The following CIDEA variants were observed in gnomAD, a reference collection of about 807,000 sequenced individuals.
The protein encoded by CIDEA is cell death inducing DFFA like effector a.
In CIDEA, 10 loss-of-function variants were observed where a neutral mutation model predicts 18.2. The ratio of observed to expected loss-of-function variants is 0.55; its 90% CI spans 0.34 to 0.93. The LOEUF (loss-of-function observed/expected upper bound fraction) is 0.93, where lower values mean the gene tolerates loss of function less well. CIDEA is among the 40% of genes least tolerant of loss of function. The pLI, the probability that CIDEA is intolerant of heterozygous loss-of-function variation, is 0.02. For missense variants in CIDEA, 309 were observed against 293.1 expected, an observed-to-expected ratio of 1.05 and a Z score of -0.40; for synonymous variants, 128 against 124.8, an observed-to-expected ratio of 1.03 and a Z score of -0.17.
Position 12,277,305 on chromosome 18 carries a change from C to A in CIDEA, c.*35C>A. ...CTGTCGCCGGCTCTTGAGCCAAACA[C>A]TGTGTTTCGTTTGGCTCAATGACGA... is the stretch of plus-strand genomic sequence containing the variant. On this transcript the variant is annotated 3_prime_UTR_variant, in exon 5 of 5. Coordinates refer to ENST00000320477, the MANE Select transcript of CIDEA (RefSeq NM_001279.4). 6.2e-7 allele frequency: 1 copy of A among 1,611,554 alleles called. No individual in the cohort carries two copies. The highest frequency in any genetic ancestry group is 1.3e-5 in the African/African-American group (1 of 74,996).
Position 12,262,984 on chromosome 18 carries a change from G to A in CIDEA, c.183+15G>A, listed in dbSNP as rs771658514. On this transcript the variant is annotated intron_variant, in intron 2 of 4. Transcript: ENST00000320477. Reference sequence around the variant, plus strand: ...TCATCAGCAAGGTGCCCCACATCCCGCACCTCTCCCCCAGTCCACAGGGGT... The same window carrying A: ...TCATCAGCAAGGTGCCCCACATCCCACACCTCTCCCCCAGTCCACAGGGGT... The A allele has an allele frequency of 5.6e-6, 9 of 1,613,036 alleles. No individual in the cohort carries two copies. The highest frequency in any genetic ancestry group is 4.5e-5 in the East Asian group (2 of 44,854).
chr18:12,272,149 T>TCGGGGGGGGG, intron 3 of CIDEA, among the ~76,000 whole-genome samples: 1 of 7,492 alleles, frequency 1.3e-4, no homozygotes, highest in African/African-American at 4.9e-4. Context: ...AGTGTGTGTG[T>TCGGGGGGGGG]GGGGGGGGGG....
chr18:12,257,616 C>T (rs1193648085), intron 1 of CIDEA, among the ~76,000 whole-genome samples: 8 of 152,170 alleles, frequency 5.3e-5, no homozygotes, highest in African/African-American at 1.9e-4. Flanking sequence ...AGAGACATGC[C>T]GTTTCACAGC....
At chr18:12,263,045 T>C in intron 2 of CIDEA, 76 bp downstream of exon 2, 2 of 1,476,650 alleles carry the variant, frequency 1.4e-6, no homozygotes, top group Non-Finnish European at 1.8e-6. Flanking sequence ...TCTTGGGCTC[T>C]AAGCCAGGGC....
intron 4 of CIDEA, among the ~76,000 whole-genome samples, chr18:12,275,308 A>C (rs1448361247): frequency 6.6e-6 from 1 of 152,168 alleles, no homozygotes; most frequent in African/African-American, 2.4e-5. Flanking sequence ...ACACCACTGC[A>C]CTCCAGACTG....
chr18:12,261,556 T>C (rs1912192598), intron 1 of CIDEA, among the ~76,000 whole-genome samples: 1 of 152,030 alleles, frequency 6.6e-6, no homozygotes, highest in Admixed American at 6.5e-5. Context: ...GCAGTTTCCC[T>C]TTTCTTTTCT....
chr18:12,274,961 T>C (rs1214997796), intron 4 of CIDEA, among the ~76,000 whole-genome samples: 4 of 152,268 alleles, frequency 2.6e-5, no homozygotes, highest in African/African-American at 9.6e-5. Context: ...GTCCCTGCTC[T>C]AAGGAATCAG....
At position 12,277,493 on chromosome 18, in the gene CIDEA, G is replaced by A; in HGVS notation, c.*223G>A. 1.8e-6 allele frequency: 1 copy of A among 554,550 alleles called. No homozygotes were observed. Among genetic ancestry groups the A allele is most frequent in the Non-Finnish European group, 3.2e-6 (1 of 311,860 alleles). 34.4% of individuals were successfully genotyped at this position (554,550 alleles called of 1,614,324 possible). ...AGGCATAGAGGGCCCTGGGGGTCAT[G>A]GGAAGCGAGCACGCAGCAGGCGTGC... On this transcript the variant is annotated 3_prime_UTR_variant, in exon 5 of 5. Coordinates refer to ENST00000320477, the MANE Select transcript of CIDEA (RefSeq NM_001279.4).
At position 12,274,111 on chromosome 18, in the gene CIDEA, A is replaced by C; in HGVS notation, c.349A>C (p.Thr117Pro). The C allele has an allele frequency of 6.2e-7, 1 of 1,614,164 alleles. No individual in the cohort carries two copies. The highest frequency in any genetic ancestry group is 8.5e-7 in the Non-Finnish European group (1 of 1,180,018). Residue 117 changes from threonine to proline, a missense_variant, in exon 4 of 5, where the codon ACT (threonine) becomes CCT (proline). Physicochemically the swap from Thr to Pro is conservative, Grantham distance 38 (BLOSUM62 -1). Coordinates refer to ENST00000320477, the MANE Select transcript of CIDEA (RefSeq NM_001279.4). ...KWMPGSQHVPTCSPPKRSGIA... is the reference protein window; with the variant it reads ...KWMPGSQHVPPCSPPKRSGIA... The stretch of plus-strand genomic sequence containing the variant: ...GTCACAGGGCAGCCAGCACGTCCCC[A>C]CTTGCTCGCCGCCGAAGAGGTCGGG...
rs751756699 is a variant in CIDEA, at chr18:12,262,939, G to C, written c.153G>C (p.Met51Ile). Residue 51 changes from methionine (M) to isoleucine (I), a missense_variant, in exon 2 of 5, where the codon ATG becomes ATC. Transcript: ENST00000320477. ...ACAGGAGCAGCCGGCGTGGGGTGATGGCAAGCAGCCTGCAGGAGCTCATCA... is the reference window on the plus strand; with the variant it reads ...ACAGGAGCAGCCGGCGTGGGGTGATCGCAAGCAGCCTGCAGGAGCTCATCA... ...NHDRSSRRGV[M>I]ASSLQELISK... 5.0e-6 allele frequency: 8 copies of C among 1,614,036 alleles called. No individual in the cohort carries two copies. The highest frequency in any genetic ancestry group is 6.8e-6 in the Non-Finnish European group (8 of 1,180,042).
chr18:12,267,620 A>C (rs187587242), intron 3 of CIDEA, among the ~76,000 whole-genome samples: 1 of 152,118 alleles, frequency 6.6e-6, no homozygotes, highest in East Asian at 1.9e-4. Context: ...CAGCCTCCCA[A>C]GTAGCTGGGA....
rs1394793410 is a variant in CIDEA at position 12,262,910 on chromosome 18, C to T, written c.124C>T (p.His42Tyr). The T allele has an allele frequency of 1.2e-6, 2 of 1,614,212 alleles. No homozygotes were observed. Among genetic ancestry groups the T allele is most frequent in the Admixed American group, 1.7e-5 (1 of 60,026 alleles). The change falls in exon 2 of 5, where the codon CAT becomes TAT. Residue 42 changes from histidine to tyrosine, a missense_variant. By Grantham distance (83) the His-to-Tyr change is moderately conservative. Transcript: ENST00000320477. ...HPARPFRVSNHDRSSRRGVMA... is the reference protein window; with the variant it reads ...HPARPFRVSNYDRSSRRGVMA... ...AGCTCGCCCTTTCCGGGTCTCCAACCATGACAGGAGCAGCCGGCGTGGGGT... is the reference window on the plus strand; with the variant it reads ...AGCTCGCCCTTTCCGGGTCTCCAACTATGACAGGAGCAGCCGGCGTGGGGT...
chr18:12,266,237 A>G (rs1423304238), intron 3 of CIDEA, among the ~76,000 whole-genome samples: 1 of 151,892 alleles, frequency 6.6e-6, no homozygotes, highest in East Asian at 1.9e-4. Flanking sequence ...TATCAAAAAA[A>G]ACAAAAAATA....
chr18:12,263,991 A>G lies in CIDEA; in HGVS notation c.184-316A>G, dbSNP rs527836043. The G allele has an allele frequency of 5.3e-5, 11 of 207,806 alleles. No homozygotes were observed. In the South Asian group the frequency reaches 1.8e-3, roughly 35 times the overall value. The allele number at this position is 207,806 out of a possible 1,614,324, so 12.9% of individuals were successfully genotyped here. ...ATGGCATGTACTTGTAGCCCCAGCTACTCCGGAGGCTGTGGCAGGAAGATT... is the reference window on the plus strand; with the variant it reads ...ATGGCATGTACTTGTAGCCCCAGCTGCTCCGGAGGCTGTGGCAGGAAGATT... On this transcript the variant is annotated intron_variant, in intron 2 of 4. Transcript: ENST00000320477.
rs1052293765 is a variant in CIDEA, at chr18:12,271,043, C to G, written c.331-3050C>G. Reference sequence around the variant, plus strand: ...CCTCCCGAGTAGCTGGGATTACAGGCGCCCACCACCACGCCCGGCTAATTT... The same window carrying G: ...CCTCCCGAGTAGCTGGGATTACAGGGGCCCACCACCACGCCCGGCTAATTT... On this transcript the variant is annotated intron_variant, in intron 3 of 4. Coordinates refer to ENST00000320477, the MANE Select transcript of CIDEA (RefSeq NM_001279.4). 6.7e-4 allele frequency among the ~76,000 whole-genome samples: 101 copies of G among 151,648 alleles called. 1 individual carries two copies. Among genetic ancestry groups the G allele is most frequent in the Non-Finnish European group, 3.8e-4 (26 of 67,932 alleles).
intron 3 of CIDEA, among the ~76,000 whole-genome samples, chr18:12,265,827 C>T (rs1288573635): frequency 6.6e-6 from 1 of 152,122 alleles, no homozygotes; most frequent in African/African-American, 2.4e-5. Flanking sequence ...TCAGGCACCA[C>T]ATTCATGAGA....
intron 1 of CIDEA, among the ~76,000 whole-genome samples, chr18:12,258,342 C>T (rs1306511919): frequency 3.3e-5 from 5 of 152,228 alleles, no homozygotes; most frequent in African/African-American, 1.2e-4. Context: ...TGAGCATGTT[C>T]GTCCAATGAG....
chr18:12,262,488 T>C (rs746319334), intron 1 of CIDEA, among the ~76,000 whole-genome samples: 1 of 152,268 alleles, frequency 6.6e-6, no homozygotes, highest in Non-Finnish European at 1.5e-5. Flanking sequence ...AATCATTCTT[T>C]TGGATTTTTT....
intron 1 of CIDEA, among the ~76,000 whole-genome samples, chr18:12,255,533 G>T (rs1912008324): frequency 6.6e-6 from 1 of 152,168 alleles, no homozygotes; most frequent in Non-Finnish European, 1.5e-5. Context: ...TCATTAACAC[G>T]CTTAGGCCTA....
Sources: allele counts gnomAD v4.1 joint callset (sites outside exome capture counted in the v4.1 genomes callset), GRCh38; gene constraint gnomAD v4.1.1; transcripts MANE v1.5; gene names NCBI Gene and HGNC (gene_info 2026-07-23, HGNC 2026-07-21).